Variants in MYH7 observed in about 807,000 individuals in gnomAD.
The protein encoded by MYH7 is myosin heavy chain 7.
MYH7 carries 129 observed loss-of-function variants against 225.4 expected under a neutral mutation model. The observed-to-expected ratio is 0.57, with a 90% CI of 0.50 to 0.66. The LOEUF is 0.66. MYH7 is among the 30% of genes least tolerant of loss of function. MYH7 has a pLI of 0.00. For missense variants in MYH7, 1,649 were observed against 2,517.0 expected (o/e 0.66, Z 7.38); for synonymous variants, 971 against 1,007.6 (o/e 0.96, Z 0.69).
At position 23,414,114 on chromosome 14, in the gene MYH7, A is replaced by C. The variant is rs587781086; in HGVS notation, c.5560-12T>G. The C allele has an allele frequency of 1.6e-5, 26 of 1,609,094 alleles. No individual in the cohort carries two copies. Among genetic ancestry groups the C allele is most frequent in the Non-Finnish European group, 1.5e-5 (18 of 1,179,318 alleles). On this transcript the variant is annotated splice_polypyrimidine_tract_variant and intron_variant, in intron 37 of 39. Transcript: ENST00000355349. ...CTGTCCTCCTCCGTCTGGGGGCCAG[A>C]GGGTAGGCAGGGGGTGAAGATGGCA... is the stretch of plus-strand genomic sequence containing the variant.
rs1672781310 is a variant in MYH7 at position 23,415,044 on chromosome 14, A to G, written c.5510T>C (p.Val1837Ala). The G allele has an allele frequency of 6.2e-7, 1 of 1,612,278 alleles. No individual in the cohort carries two copies. The highest frequency in any genetic ancestry group is 2.2e-5 in the East Asian group (1 of 44,886). The change falls in exon 37 of 40, where the codon GTG (valine) becomes GCG (alanine). Residue 1837 changes from valine to alanine, a missense_variant. This residue lies in a region of MYH7 where 687 missense variants were observed against 913.8 expected (regional missense o/e 0.75). Coordinates refer to ENST00000355349, the MANE Select transcript of MYH7 (RefSeq NM_000257.4). This position sits in a 1 kb window ranked among gnomAD's most constrained non-coding sequence, Gnocchi z 6.3. ...CCGCTCGCTCTTCCTCATGCCCTTC[A>G]CCGACTCTGCGTTGCGCTTCTGCTC... ...EAEQKRNAESVKGMRKSERRI... is the reference protein window; with the variant it reads ...EAEQKRNAESAKGMRKSERRI...
chr14:23,424,668 T>C, intron 22 of MYH7, 101 bp downstream of exon 22: 1 of 1,590,098 alleles, frequency 6.3e-7, no homozygotes, highest in Non-Finnish European at 8.5e-7. Flanking sequence ...GTCCTCTGAC[T>C]GAAGGAACAA....
chr14:23,432,282 C>T (rs1892976315), intron 6 of MYH7, among the ~76,000 whole-genome samples, 197 bp downstream of exon 6: 1 of 151,930 alleles, frequency 6.6e-6, no homozygotes, highest in Non-Finnish European at 1.5e-5. Context: ...AGAGGAAAAA[C>T]ATGAAGGGGA....
chr14:23,425,854 G>T lies in MYH7; in HGVS notation c.2163-36C>A, dbSNP rs769592606. On this transcript the variant is annotated intron_variant, in intron 19 of 39. Coordinates refer to ENST00000355349, the MANE Select transcript of MYH7 (RefSeq NM_000257.4). The surrounding 1 kb of genome is among the most constrained non-coding windows in gnomAD (Gnocchi z 4.6). Reference sequence around the variant, plus strand: ...AAGTGTCCAGAGTCACCCATGCTCTGCAGTGATCTGCTCTGCCCATAGAAT... The same window carrying T: ...AAGTGTCCAGAGTCACCCATGCTCTTCAGTGATCTGCTCTGCCCATAGAAT... 2 of 1,613,420 alleles carry T rather than the reference G, an allele frequency of 1.2e-6. No homozygotes were observed. The highest frequency in any genetic ancestry group is 2.7e-5 in the African/African-American group (2 of 74,910).
chr14:23,425,228 CT>C lies in MYH7; in HGVS notation c.2423+53del, dbSNP rs1892646609. On this transcript the variant is annotated intron_variant, in intron 21 of 39. Coordinates refer to ENST00000355349, the MANE Select transcript of MYH7 (RefSeq NM_000257.4). This position sits in a 1 kb window ranked among gnomAD's most constrained non-coding sequence, Gnocchi z 4.6. Reference sequence around the variant, plus strand: ...TGAGCTTTTTTTCCTGACACTGCCCCTGAACCAGCCTGGGCCTCAGAGAAGC... The same window carrying C: ...TGAGCTTTTTTTCCTGACACTGCCCCGAACCAGCCTGGGCCTCAGAGAAGC... 6.2e-7 allele frequency: 1 copy of C among 1,614,046 alleles called. No individual in the cohort carries two copies. Among genetic ancestry groups the C allele is most frequent in the Non-Finnish European group, 8.5e-7 (1 of 1,179,994 alleles).
chr14:23,427,638 G>A lies in MYH7; in HGVS notation c.1835C>T (p.Ser612Phe). ...CAGGGTGCTGAGCAGCTTGAGGGAA[G>A]ACTTCTGATACAAGCCCACGACAGT... is the stretch of plus-strand genomic sequence containing the variant. ...NETVVGLYQK[S>F]SLKLLSTLFA... Residue 612 changes from serine to phenylalanine, a missense_variant, in exon 16 of 40, where the codon TCT becomes TTT. Ser to Phe is a radical substitution (Grantham distance 155). Around this residue, in one of 12 missense-constraint regions of MYH7, gnomAD observed 112 missense variants for 161.9 expected, o/e 0.69. Transcript: ENST00000355349. 1 of 1,614,204 alleles carries A rather than the reference G, an allele frequency of 6.2e-7. No individual in the cohort carries two copies. Among genetic ancestry groups the A allele is most frequent in the Non-Finnish European group, 8.5e-7 (1 of 1,180,044 alleles).
In MYH7 at chr14:23,415,697, G is replaced by A. The variant is rs1282833804; in HGVS notation, c.5089C>T (p.Arg1697Trp). The change falls in exon 35 of 40, where the codon CGG becomes TGG. Residue 1697 changes from arginine to tryptophan, a missense_variant. Physicochemically the swap from Arg to Trp is moderately radical, Grantham distance 101 (BLOSUM62 -3). Transcript: ENST00000355349. This position sits in a 1 kb window ranked among gnomAD's most constrained non-coding sequence, Gnocchi z 6.3. The stretch of plus-strand genomic sequence containing the variant: ...TCCTGCTCCGCCAGCTTCCGGGACC[G>A]CTCTGTCTGCTCCACCACGGCACGC... ...ELRAVVEQTE[R>W]SRKLAEQELI... The A allele has an allele frequency of 3.7e-6, 6 of 1,614,062 alleles. No individual in the cohort carries two copies. The highest frequency in any genetic ancestry group is 3.3e-5 in the Admixed American group (2 of 60,020).
chr14:23,426,319 G>A (rs1892692863), intron 18 of MYH7, among the ~76,000 whole-genome samples: 1 of 152,164 alleles, frequency 6.6e-6, no homozygotes, highest in Non-Finnish European at 1.5e-5. Context: ...TGTTCTAGAT[G>A]AGTAAATTAA....
rs370438666 is a variant in MYH7, at chr14:23,417,701, G to C, written c.4170-15C>G. ...CCAGCTTCTTCCTGCCCAGGGGAGGGTGGCAGAGGGTGGGGAGGATGGAGG... is the reference window on the plus strand; with the variant it reads ...CCAGCTTCTTCCTGCCCAGGGGAGGCTGGCAGAGGGTGGGGAGGATGGAGG... On this transcript the variant is annotated splice_polypyrimidine_tract_variant and intron_variant, in intron 30 of 39. Transcript: ENST00000355349. 1.2e-6 allele frequency: 2 copies of C among 1,612,024 alleles called. No homozygotes were observed. The highest frequency in any genetic ancestry group is 1.7e-6 in the Non-Finnish European group (2 of 1,179,890).
intron 32 of MYH7, 44 bp downstream of exon 32, chr14:23,417,109 C>T (rs755158406): frequency 1.2e-6 from 2 of 1,614,062 alleles, no homozygotes; most frequent in African/African-American, 1.3e-5. Context: ...TATGGGAACA[C>T]TGCCAGTGCA....
chr14:23,424,850 G>T lies in MYH7; in HGVS notation c.2598C>A (p.Ser866=). ...FTRLKEALEK[S]EARRKELEEK... ...CCTCCAGCTCCTTGCGGCGAGCCTCGGACTTCTCTAGCGCCTCTTTGAGGC... is the reference window on the plus strand; with the variant it reads ...CCTCCAGCTCCTTGCGGCGAGCCTCTGACTTCTCTAGCGCCTCTTTGAGGC... Residue 866 remains serine, a synonymous_variant, in exon 22 of 40, where the codon TCC becomes TCA. Transcript: ENST00000355349. 2 of 1,614,176 alleles carry T rather than the reference G, an allele frequency of 1.2e-6. No homozygotes were observed. Among genetic ancestry groups the T allele is most frequent in the Non-Finnish European group, 1.7e-6 (2 of 1,180,044 alleles).
At chr14:23,434,147 G>A in intron 2 of MYH7, 47 bp downstream of exon 2, 3 of 1,048,032 alleles carry the variant, frequency 2.9e-6, no homozygotes, top group Non-Finnish European at 1.2e-6. Flanking sequence ...GGGCTCTAAT[G>A]CCCAGTCTTA....
In MYH7 at chr14:23,427,572, A is replaced by C. The variant is rs727504516; in HGVS notation, c.1888+13T>G. ...CCTGCTCCTCTGTACCGGGAGCCTC[A>C]GTCCCTACTTACGCGCATCAGCCCC... On this transcript the variant is annotated intron_variant, in intron 16 of 39. Transcript: ENST00000355349. 9.9e-6 allele frequency: 16 copies of C among 1,613,704 alleles called. No homozygotes were observed. Among genetic ancestry groups the C allele is most frequent in the African/African-American group, 1.3e-5 (1 of 74,906 alleles).
rs1892736219 is a variant in MYH7 at position 23,427,418 on chromosome 14, G to A, written c.1889-111C>T. Reference sequence around the variant, plus strand: ...GCTGGCATTTGGCCCCTGGGTGAGGGCCTTCAATGTGGCTGCCTCAGTTTC... The same window carrying A: ...GCTGGCATTTGGCCCCTGGGTGAGGACCTTCAATGTGGCTGCCTCAGTTTC... On this transcript the variant is annotated intron_variant, in intron 16 of 39. Coordinates refer to ENST00000355349, the MANE Select transcript of MYH7 (RefSeq NM_000257.4). 6 of 1,478,886 alleles carry A rather than the reference G, an allele frequency of 4.1e-6. No individual in the cohort carries two copies. The South Asian group carries it at 4.7e-5, about 12-fold the overall frequency. The allele number at this position is 1,478,886 out of a possible 1,614,324, so 91.6% of individuals were successfully genotyped here. A position where few individuals can be genotyped will look rare whatever the true frequency, so the allele number is the denominator to read the frequency against.
At chr14:23,424,382 T>C (rs1892609201) in intron 22 of MYH7, among the ~76,000 whole-genome samples, 1 of 152,206 alleles carries the variant, frequency 6.6e-6, no homozygotes, top group Non-Finnish European at 1.5e-5. Flanking sequence ...GACCTCTTCC[T>C]CTGGTCTCCT....
intron 12 of MYH7, among the ~76,000 whole-genome samples, 191 bp from the exon 13 acceptor site, chr14:23,429,538 T>TA (rs1892840059): frequency 6.6e-6 from 1 of 151,996 alleles, no homozygotes; most frequent in Non-Finnish European, 1.5e-5. Flanking sequence ...TAGCCAGGCA[T>TA]GGTGGTGCAT....
In MYH7 at chr14:23,423,665, T is replaced by C. The variant is rs1298804415; in HGVS notation, c.2981A>G (p.Lys994Arg). 6 of 1,614,022 alleles carry C rather than the reference T, an allele frequency of 3.7e-6. No individual in the cohort carries two copies. In the East Asian group the frequency reaches 6.7e-5, roughly 18 times the overall value. ...GLDEIIAKLT[K>R]EKKALQEAHQ... ...GGCCTCTTGCAGAGCTTTCTTCTCC[T>C]TGGTCAGCTTGGCAATGATCTCATC... Residue 994 changes from lysine (K) to arginine (R), a missense_variant, in exon 24 of 40, where the codon AAG becomes AGG. This residue lies in a region of MYH7 where 282 missense variants were observed against 315.3 expected (regional missense o/e 0.89). Transcript: ENST00000355349.
At chr14:23,418,014 C>T (rs1422913281) in intron 30 of MYH7, 196 bp downstream of exon 30, 16 of 983,866 alleles carry the variant, frequency 1.6e-5, no homozygotes, top group Non-Finnish European at 2.5e-5. Flanking sequence ...TTTTGTTCGT[C>T]TTATATTCGG....
chr14:23,421,922 T>G (rs2138658132), intron 25 of MYH7, among the ~76,000 whole-genome samples: 1 of 152,334 alleles, frequency 6.6e-6, no homozygotes, highest in Admixed American at 6.5e-5. Flanking sequence ...GCTGTTATTT[T>G]CATTCCCACT....
Sources: allele counts gnomAD v4.1 joint callset (sites outside exome capture counted in the v4.1 genomes callset), GRCh38; gene constraint gnomAD v4.1.1; regional missense constraint gnomAD v4.1.1; non-coding constraint Gnocchi (gnomAD v3.1); transcripts MANE v1.5; gene names NCBI Gene and HGNC (gene_info 2026-07-23, HGNC 2026-07-21).